RSRC2: variants seen among roughly 807,000 people sequenced by gnomAD.
The protein encoded by RSRC2 is arginine/serine-rich coiled-coil protein 2.
RSRC2 carries 5 observed loss-of-function variants against 61.3 expected under a neutral mutation model. That is an observed-to-expected ratio of 0.08 (90% CI 0.04 to 0.17). RSRC2 has a LOEUF of 0.17. Among genes scored for constraint, RSRC2 ranks in the 10% least tolerant of loss-of-function variants. The probability of loss-of-function intolerance (pLI) is 1.00; values close to 1 mark genes in which losing one functional copy is unlikely to be tolerated. For synonymous variants in RSRC2, 202 were observed against 166.5 expected, an observed-to-expected ratio of 1.21 and a Z score of -1.64; for missense variants, 381 against 518.8, an observed-to-expected ratio of 0.73 and a Z score of 2.58.
rs1277638918 is a variant in RSRC2, at chr12:122,508,200, C to A, written c.1035+18G>T. On this transcript the variant is annotated intron_variant, in intron 8 of 9. Transcript: ENST00000331738. ...TAATTAGGAATAAACGACAGAAAAG[C>A]AGAATAAGAGAACTTACCCCTTCTT... 6.3e-7 allele frequency: 1 copy of A among 1,595,346 alleles called. No individual in the cohort carries two copies. The highest frequency in any genetic ancestry group is 8.6e-7 in the Non-Finnish European group (1 of 1,163,038).
chr12:122,521,751 A>C (rs995202652), intron 2 of RSRC2, among the ~76,000 whole-genome samples: 1 of 152,240 alleles, frequency 6.6e-6, no homozygotes, highest in East Asian at 1.9e-4. Flanking sequence ...AGAGAGAGGT[A>C]AGCCATTAAG....
intron 9 of RSRC2, 49 bp downstream of exon 9, chr12:122,506,785 G>A (rs748901474): frequency 9.1e-7 from 1 of 1,100,418 alleles, no homozygotes; most frequent in African/African-American, 1.5e-5. Context: ...GAACAGTGCA[G>A]GAGGGCTAAT....
At chr12:122,506,605 C>T (rs772320730) in intron 9 of RSRC2, 29 of 435,390 alleles carry the variant, frequency 6.7e-5, no homozygotes, top group Non-Finnish European at 1.1e-4. Context: ...GCAAGCAGAG[C>T]AAAACCCCGT....
intron 6 of RSRC2, among the ~76,000 whole-genome samples, chr12:122,512,114 A>C (rs769377729): frequency 1.6e-4 from 25 of 152,170 alleles, no homozygotes; most frequent in Admixed American, 1.3e-4. Flanking sequence ...CCCAAAAATG[A>C]ATGCTTGTTC....
rs1958262404 is a variant in RSRC2, at chr12:122,508,413, A to G, written c.840T>C (p.Ala280=). The part of the protein sequence containing the change: ...AATGGSVLNV[A]ALLASGTQVT... ...CTTGTGTTCCTGATGCCAACAGGGC[A>G]GCAACATTGAGAACAGAACCTCCAG... The change falls in exon 8 of 10, where the codon GCT becomes GCC. Residue 280 remains alanine (A), a synonymous_variant. Transcript: ENST00000331738. 3.7e-6 allele frequency: 6 copies of G among 1,614,122 alleles called. No homozygotes were observed. The East Asian group carries it at 1.1e-4, about 30-fold the overall frequency.
intron 1 of RSRC2, chr12:122,523,125 G>C (rs1383211110): frequency 6.6e-6 from 1 of 152,276 alleles, no homozygotes. Context: ...ATGGCCTTGA[G>C]CTAGGAATGG....
intron 2 of RSRC2, among the ~76,000 whole-genome samples, chr12:122,521,657 G>C (rs1450818179): frequency 2.6e-5 from 4 of 152,078 alleles, no homozygotes; most frequent in African/African-American, 9.7e-5. Context: ...CTTTTAAACG[G>C]TCATAGACTT....
intron 9 of RSRC2, among the ~76,000 whole-genome samples, chr12:122,506,028 C>T (rs144762317): frequency 0.015 from 2,348 of 152,136 alleles, 43 homozygotes; most frequent in Non-Finnish European, 0.02. Context: ...TCCCCCCTGC[C>T]GCCTGCCCCC....
chr12:122,510,827 G>C (rs1014582930), intron 7 of RSRC2, among the ~76,000 whole-genome samples: 3 of 152,152 alleles, frequency 2.0e-5, no homozygotes, highest in African/African-American at 7.2e-5. Context: ...CAGGAGGACT[G>C]CTTAAGCCCG....
At chr12:122,509,131 C>G (rs541037665) in intron 7 of RSRC2, among the ~76,000 whole-genome samples, 4 of 151,638 alleles carry the variant, frequency 2.6e-5, no homozygotes, top group South Asian at 4.2e-4. Context: ...TCATTTGATG[C>G]TCACATCATA....
chr12:122,520,100 A>G (rs1219421083), intron 3 of RSRC2: 1 of 186,818 alleles, frequency 5.4e-6, no homozygotes, highest in Non-Finnish European at 1.1e-5. Context: ...ATAAGACACT[A>G]CTGTCTCCCA....
intron 5 of RSRC2, among the ~76,000 whole-genome samples, chr12:122,516,926 C>G (rs1198662441): frequency 6.6e-6 from 1 of 152,090 alleles, no homozygotes; most frequent in African/African-American, 2.4e-5. Context: ...CTCCTGGGCT[C>G]AAAAAATCTG....
intron 2 of RSRC2, 78 bp downstream of exon 2, chr12:122,522,065 G>T: frequency 7.1e-7 from 1 of 1,406,600 alleles, no homozygotes; most frequent in Non-Finnish European, 9.7e-7. Flanking sequence ...CAAACTAAAT[G>T]TATGTGTCTT....
chr12:122,525,571 A>T (rs866369606), intron 1 of RSRC2, among the ~76,000 whole-genome samples: 31 of 152,342 alleles, frequency 2.0e-4, no homozygotes, highest in Middle Eastern at 6.8e-3. Context: ...GGAAGAGCAA[A>T]CTTTAAAACT....
chr12:122,517,791 C>T (rs939001781), intron 4 of RSRC2, among the ~76,000 whole-genome samples: 6 of 151,478 alleles, frequency 4.0e-5, no homozygotes, highest in South Asian at 2.1e-4. Flanking sequence ...CAGAATTCTC[C>T]AAAAAAAACC....
rs1014741998 is a variant in RSRC2, at chr12:122,504,615, A to G, written c.*912T>C. ...CTGCACCCAGTTTAGGCAACAGAGCAAGATCCTGTCTCAAAAAAACAAACA... is the reference window on the plus strand; with the variant it reads ...CTGCACCCAGTTTAGGCAACAGAGCGAGATCCTGTCTCAAAAAAACAAACA... On this transcript the variant is annotated 3_prime_UTR_variant, in exon 10 of 10. Coordinates refer to ENST00000331738, the MANE Select transcript of RSRC2 (RefSeq NM_023012.6). The G allele has an allele frequency of 7.9e-5, 12 of 152,410 alleles. No individual in the cohort carries two copies. Among genetic ancestry groups the G allele is most frequent in the African/African-American group, 2.9e-4 (12 of 41,472 alleles). The allele number at this position is 152,410 out of a possible 1,614,324, so 9.4% of individuals were successfully genotyped here. A position where few individuals can be genotyped will look rare whatever the true frequency, so the allele number is the denominator to read the frequency against.
chr12:122,508,193 A>G (rs1230272515), intron 8 of RSRC2, 25 bp downstream of exon 8: 11 of 1,587,390 alleles, frequency 6.9e-6, no homozygotes, highest in East Asian at 6.7e-5. Flanking sequence ...AATAAACGAC[A>G]GAAAAGCAGA....
intron 2 of RSRC2, 60 bp downstream of exon 2, chr12:122,522,083 A>T: frequency 6.7e-7 from 1 of 1,490,414 alleles, no homozygotes; most frequent in Non-Finnish European, 9.1e-7. Flanking sequence ...CTTCTTATAC[A>T]ACAGGTCTAC....
chr12:122,512,085 C>A lies in RSRC2; in HGVS notation c.726-897G>T, dbSNP rs570690379. On this transcript the variant is annotated intron_variant, in intron 6 of 9. Coordinates refer to ENST00000331738, the MANE Select transcript of RSRC2 (RefSeq NM_023012.6). ...CCTCCCGAAGTGCTGGCATTACAGG[C>A]GTGAGCCACCATGCCCAGCCCAAAA... 5.7e-4 allele frequency among the ~76,000 whole-genome samples: 87 copies of A among 152,238 alleles called. 1 individual carries two copies. Among genetic ancestry groups the A allele is most frequent in the Admixed American group, 2.7e-3 (41 of 15,292 alleles).
Sources: gnomAD v4.1 joint callset for allele counts (sites outside exome capture counted in the v4.1 genomes callset) on GRCh38, gnomAD v4.1.1 for gene constraint, MANE v1.5 for transcripts, NCBI Gene and HGNC (gene_info 2026-07-23, HGNC 2026-07-21) for gene names.